The following ZNF804A variants were observed in gnomAD, a reference collection of about 807,000 sequenced individuals.
The protein encoded by ZNF804A is zinc finger protein 804A.
In ZNF804A, 2 loss-of-function variants were observed where a neutral mutation model predicts 16.5. The observed-to-expected ratio is 0.12, with a 90% CI of 0.05 to 0.38. The LOEUF (loss-of-function observed/expected upper bound fraction) is 0.38. Among genes scored for constraint, ZNF804A ranks in the 10% least tolerant of loss-of-function variants. The pLI, the probability that ZNF804A is intolerant of heterozygous loss-of-function variation, is 0.99. For synonymous variants in ZNF804A, 534 were observed against 489.6 expected (o/e 1.09, Z -1.20); for missense variants, 1,473 against 1,390.7 (o/e 1.06, Z -0.94).
chr2:184,679,769 T>C (rs747329001), intron 1 of ZNF804A, among the ~76,000 whole-genome samples: 27 of 152,148 alleles, frequency 1.8e-4, no homozygotes, highest in Non-Finnish European at 3.2e-4. Flanking sequence ...GAGAAGGGGC[T>C]AAGGGTGGCT....
rs111868003 is a variant in ZNF804A at position 184,699,727 on chromosome 2, C to A, written c.111+100657C>A. ...GAAAATTAAAAATAATGGTAGACAACATTTACTGAAACCTCAATGTTTAAT... is the reference window on the plus strand; with the variant it reads ...GAAAATTAAAAATAATGGTAGACAAAATTTACTGAAACCTCAATGTTTAAT... On this transcript the variant is annotated intron_variant, in intron 1 of 3. Transcript: ENST00000302277. Among the ~76,000 whole-genome samples, 982 of 152,164 alleles carry A rather than the reference C, an allele frequency of 6.5e-3. 14 individuals are homozygous for A. The highest frequency in any genetic ancestry group is 0.022 in the African/African-American group (917 of 41,516).
At chr2:184,933,883 T>C in intron 3 of ZNF804A, 150 bp downstream of exon 3, 1 of 709,832 alleles carries the variant, frequency 1.4e-6, no homozygotes, top group South Asian at 3.5e-5. Flanking sequence ...CTGTAAACAG[T>C]AATTTGAATT....
At chr2:184,750,494 G>A (rs563484585) in intron 1 of ZNF804A, among the ~76,000 whole-genome samples, 31 of 151,210 alleles carry the variant, frequency 2.1e-4, no homozygotes, top group Non-Finnish European at 2.4e-4. Flanking sequence ...TGCACTAATC[G>A]TTTTTTAAAT....
intron 1 of ZNF804A, among the ~76,000 whole-genome samples, chr2:184,803,881 G>T (rs941610183): frequency 4.0e-4 from 60 of 151,308 alleles, no homozygotes; most frequent in Non-Finnish European, 2.7e-4. Context: ...GGGGAGGGGG[G>T]TGATGGAGTC....
intron 1 of ZNF804A, among the ~76,000 whole-genome samples, chr2:184,820,569 C>T (rs1695060687): frequency 6.6e-6 from 1 of 151,996 alleles, no homozygotes; most frequent in African/African-American, 2.4e-5. Flanking sequence ...CTTGCAAGGA[C>T]AATCAGGCAA....
chr2:184,762,351 C>T (rs1694051529), intron 1 of ZNF804A, among the ~76,000 whole-genome samples: 1 of 151,574 alleles, frequency 6.6e-6, no homozygotes, highest in Non-Finnish European at 1.5e-5. Flanking sequence ...ATCAGGTAAT[C>T]CGGAGTCAAA....
chr2:184,663,776 C>A (rs1295881562), intron 1 of ZNF804A, among the ~76,000 whole-genome samples: 1 of 152,312 alleles, frequency 6.6e-6, no homozygotes, highest in South Asian at 2.1e-4. Context: ...GACTCATTGT[C>A]TTTTGCCCTA....
intron 1 of ZNF804A, among the ~76,000 whole-genome samples, chr2:184,614,636 T>C (rs1199482176): frequency 6.6e-6 from 1 of 152,048 alleles, no homozygotes; most frequent in Non-Finnish European, 1.5e-5. Context: ...GTGGTAACCC[T>C]GCTAAATAAA....
At chr2:184,748,191 A>G (rs1411738393) in intron 1 of ZNF804A, among the ~76,000 whole-genome samples, 1 of 151,302 alleles carries the variant, frequency 6.6e-6, no homozygotes, top group Non-Finnish European at 1.5e-5. Flanking sequence ...GGTATGTGAG[A>G]TATCTCCAAA....
chr2:184,625,773 T>G (rs1431387395), intron 1 of ZNF804A, among the ~76,000 whole-genome samples: 1 of 152,218 alleles, frequency 6.6e-6, no homozygotes, highest in East Asian at 1.9e-4. Flanking sequence ...AGAGATTAAT[T>G]TAAATAGATG....
Position 184,937,304 on chromosome 2 carries a change from A to T in ZNF804A, c.1908A>T (p.Glu636Asp). The change falls in exon 4 of 4, where the codon GAA becomes GAT. Residue 636 changes from glutamate (E) to aspartate (D), a missense_variant. Transcript: ENST00000302277. ...AAAATGCTGGGAAATATCTATTGGA[A>T]CCAATTTCAGAAAAGCAGTATTTAG... is the stretch of plus-strand genomic sequence containing the variant. ...YTENAGKYLL[E>D]PISEKQYLAA... 1 of 1,613,970 alleles carries T rather than the reference A, an allele frequency of 6.2e-7. No individual in the cohort carries two copies. Among genetic ancestry groups the T allele is most frequent in the Non-Finnish European group, 8.5e-7 (1 of 1,179,934 alleles).
At chr2:184,910,963 A>G (rs1028866379) in intron 2 of ZNF804A, among the ~76,000 whole-genome samples, 2 of 152,008 alleles carry the variant, frequency 1.3e-5, no homozygotes, top group African/African-American at 2.4e-5. Context: ...TTTGATGTGC[A>G]GAAGCTCTTT....
chr2:184,709,681 G>A (rs748851651), intron 1 of ZNF804A, among the ~76,000 whole-genome samples: 10 of 151,322 alleles, frequency 6.6e-5, no homozygotes, highest in Non-Finnish European at 1.0e-4. Context: ...CCAAAAAATC[G>A]TTTCTAAAGG....
chr2:184,762,207 TTTTC>T (rs1361124476), intron 1 of ZNF804A, among the ~76,000 whole-genome samples: 79 of 29,990 alleles, frequency 2.6e-3, no homozygotes, highest in African/African-American at 0.016. Context: ...TTTTCTTTTC[TTTTC>T]TTTTTTTTTT....
At chr2:184,844,908 G>T (rs928634755) in intron 1 of ZNF804A, among the ~76,000 whole-genome samples, 1 of 151,468 alleles carries the variant, frequency 6.6e-6, no homozygotes, top group Non-Finnish European at 1.5e-5. Flanking sequence ...CTGCTTATTT[G>T]CTTCTTTCCT....
rs777940139 is a variant in ZNF804A, at chr2:184,938,099, G to A, written c.2703G>A (p.Glu901=). 1 of 1,613,982 alleles carries A rather than the reference G, an allele frequency of 6.2e-7. No individual in the cohort carries two copies. Among genetic ancestry groups the A allele is most frequent in the African/African-American group, 1.3e-5 (1 of 74,918 alleles). ...GTGAAACTGAGCATTTAGAAATGGA[G>A]ACCACTTCTGGTGAATTGTCAGATG... ...TNGETEHLEM[E]TTSGELSDVS... The change falls in exon 4 of 4, where the codon GAG becomes GAA. Residue 901 remains glutamate, a synonymous_variant. Coordinates refer to ENST00000302277, the MANE Select transcript of ZNF804A (RefSeq NM_194250.2).
intron 1 of ZNF804A, among the ~76,000 whole-genome samples, chr2:184,860,292 C>T (rs1695779183): frequency 6.6e-6 from 1 of 152,186 alleles, no homozygotes; most frequent in South Asian, 2.1e-4. Flanking sequence ...CAGTCAATAG[C>T]CTGGAACCTG....
chr2:184,609,891 A>G (rs1051665727), intron 1 of ZNF804A, among the ~76,000 whole-genome samples: 3 of 152,246 alleles, frequency 2.0e-5, no homozygotes, highest in Non-Finnish European at 4.4e-5. Context: ...AAACACCTAA[A>G]GAATGAAAAG....
At chr2:184,697,946 T>C (rs1309480354) in intron 1 of ZNF804A, among the ~76,000 whole-genome samples, 1 of 152,082 alleles carries the variant, frequency 6.6e-6, no homozygotes, top group Non-Finnish European at 1.5e-5. Context: ...CTGCTCCCAC[T>C]TGAACCAAAC....
Sources: gnomAD v4.1 joint callset for allele counts (sites outside exome capture counted in the v4.1 genomes callset) on GRCh38, gnomAD v4.1.1 for gene constraint, MANE v1.5 for transcripts, NCBI Gene and HGNC (gene_info 2026-07-23, HGNC 2026-07-21) for gene names.